EYS: variants seen among roughly 807,000 people sequenced by gnomAD.
EYS encodes the protein EGF-like photoreceptor maintenance factor.
A neutral mutation model predicts 282.1 loss-of-function variants in EYS; 250 were observed. That is an observed-to-expected ratio of 0.89 (90% CI 0.80 to 0.98). EYS has a LOEUF of 0.98. Among genes scored for constraint, EYS ranks in the 50% least tolerant of loss-of-function variants. The pLI, the probability that EYS is intolerant of heterozygous loss-of-function variation, is 0.00. For missense variants in EYS, 4,016 were observed against 3,709.0 expected (o/e 1.08, Z -2.15); for synonymous variants, 1,355 against 1,282.9 (o/e 1.06, Z -1.20).
intron 22 of EYS, among the ~76,000 whole-genome samples, chr6:64,729,588 C>T (rs1376561253): frequency 1.3e-5 from 2 of 152,156 alleles, no homozygotes; most frequent in Non-Finnish European, 2.9e-5. Flanking sequence ...TCTAAAGTAG[C>T]TGAACTCATG....
chr6:63,829,715 TG>T (rs774938272), intron 36 of EYS, among the ~76,000 whole-genome samples: 26 of 152,284 alleles, frequency 1.7e-4, no homozygotes, highest in Non-Finnish European at 3.4e-4. Context: ...AAGAGAGTAG[TG>T]GTTCTCACAG....
intron 1 of EYS, among the ~76,000 whole-genome samples, chr6:65,688,966 C>T (rs1176432196): frequency 5.3e-5 from 8 of 151,284 alleles, no homozygotes; most frequent in African/African-American, 1.5e-4. Flanking sequence ...GTCAATGTGG[C>T]GATTCCTCAG....
chr6:64,198,015 C>G (rs1459213271), intron 31 of EYS, among the ~76,000 whole-genome samples: 1 of 150,074 alleles, frequency 6.7e-6, no homozygotes, highest in African/African-American at 2.4e-5. Flanking sequence ...TTTTTTGAGA[C>G]GGAGTCTCGC....
intron 15 of EYS, among the ~76,000 whole-genome samples, chr6:64,914,761 G>A (rs1427291087): frequency 2.0e-5 from 3 of 152,008 alleles, no homozygotes; most frequent in African/African-American, 7.2e-5. Flanking sequence ...AGTTCAATAA[G>A]TTTAAATCCA....
intron 36 of EYS, among the ~76,000 whole-genome samples, chr6:63,825,197 C>A (rs554771649): frequency 2.0e-5 from 3 of 152,160 alleles, no homozygotes; most frequent in Admixed American, 6.5e-5. Flanking sequence ...AGGTACACAA[C>A]TCCAGTGACC....
intron 30 of EYS, among the ~76,000 whole-genome samples, chr6:64,254,302 A>G (rs1767319417): frequency 6.6e-6 from 1 of 152,056 alleles, no homozygotes; most frequent in Non-Finnish European, 1.5e-5. Flanking sequence ...AAAAGTAGCA[A>G]TATAACAAAA....
At chr6:65,228,711 G>GA (rs1766692660) in intron 12 of EYS, among the ~76,000 whole-genome samples, 1 of 151,856 alleles carries the variant, frequency 6.6e-6, no homozygotes, top group African/African-American at 2.4e-5. Context: ...AAAATGCTAC[G>GA]AAAAAAATAG....
chr6:65,072,084 G>A (rs149619148), intron 12 of EYS, among the ~76,000 whole-genome samples: 2,144 of 151,826 alleles, frequency 0.014, 24 homozygotes, highest in Non-Finnish European at 0.018. Context: ...AGTAAGCTCC[G>A]AAGGATTTTG....
intron 22 of EYS, among the ~76,000 whole-genome samples, chr6:64,753,688 G>T (rs1455961184): frequency 6.6e-6 from 1 of 150,558 alleles, no homozygotes; most frequent in Non-Finnish European, 1.5e-5. Flanking sequence ...ACCACTAACA[G>T]CACTAGATAG....
At chr6:64,686,767 GTATATATATATATATATA>G (rs556168281) in intron 22 of EYS, among the ~76,000 whole-genome samples, 4 of 17,732 alleles carry the variant, frequency 2.3e-4, no homozygotes, top group African/African-American at 4.7e-4. Context: ...ATATATGTGT[GTATATATATATATATATA>G]TATGTGTGTA....
At chr6:64,972,732 A>G (rs1246799269) in intron 14 of EYS, among the ~76,000 whole-genome samples, 2 of 152,138 alleles carry the variant, frequency 1.3e-5, no homozygotes, top group African/African-American at 4.8e-5. Context: ...ACAGTTGGCT[A>G]TTAGTAATTG....
intron 5 of EYS, chr6:65,490,336 G>A: frequency 3.4e-6 from 1 of 294,444 alleles, no homozygotes; most frequent in Non-Finnish European, 6.4e-6. Context: ...TCTGAAGAAA[G>A]ATGTAAGTAA....
intron 22 of EYS, among the ~76,000 whole-genome samples, chr6:64,716,186 A>C (rs1426834933): frequency 6.6e-6 from 1 of 152,200 alleles, no homozygotes; most frequent in Non-Finnish European, 1.5e-5. Context: ...ACAGTGTGTA[A>C]ACTCACATTC....
At chr6:64,402,426 G>C (rs929219416) in intron 28 of EYS, among the ~76,000 whole-genome samples, 3 of 152,174 alleles carry the variant, frequency 2.0e-5, no homozygotes, top group African/African-American at 7.2e-5. Flanking sequence ...GAAAAACTGT[G>C]TTCCTAGAAA....
chr6:63,762,434 G>A, intron 41 of EYS, 27 bp downstream of exon 41: 1 of 1,544,810 alleles, frequency 6.5e-7, no homozygotes, highest in Non-Finnish European at 8.7e-7. Context: ...TTTGTGGACA[G>A]CAAAATGATT....
chr6:64,603,656 T>C (rs1766831665), intron 24 of EYS, among the ~76,000 whole-genome samples: 1 of 152,042 alleles, frequency 6.6e-6, no homozygotes, highest in Non-Finnish European at 1.5e-5. Context: ...TAGTTTTCTA[T>C]ATGTGATAGG....
In EYS at chr6:64,107,259, A is replaced by ATATATGTG. The variant is rs1191905073; in HGVS notation, c.6425-25258_6425-25257insCACATATA. On this transcript the variant is annotated intron_variant, in intron 31 of 42. Coordinates refer to ENST00000503581, the MANE Select transcript of EYS (RefSeq NM_001142800.2). The stretch of plus-strand genomic sequence containing the variant: ...ACTAGTAGGAGATATATATATATAT[A>ATATATGTG]TGTGTGTGTGTGTATATATATATAT... 5.8e-4 allele frequency among the ~76,000 whole-genome samples: 73 copies of ATATATGTG among 124,940 alleles called. 1 individual carries two copies. Among genetic ancestry groups the ATATATGTG allele is most frequent in the African/African-American group, 2.1e-3 (71 of 34,568 alleles). The allele number at this position is 124,940 out of a possible 152,430, so 82.0% of individuals were successfully genotyped here.
At chr6:65,471,914 A>G (rs1460779929) in intron 5 of EYS, among the ~76,000 whole-genome samples, 1 of 152,138 alleles carries the variant, frequency 6.6e-6, no homozygotes, top group Non-Finnish European at 1.5e-5. Flanking sequence ...AACTAAATAT[A>G]GAACCTAAAT....
chr6:65,666,532 C>G (rs1477338984), intron 1 of EYS, among the ~76,000 whole-genome samples: 1 of 151,608 alleles, frequency 6.6e-6, no homozygotes, highest in Admixed American at 6.6e-5. Flanking sequence ...AAGTTTATAC[C>G]TGTCGGGTAG....
Sources: gnomAD v4.1 joint callset for allele counts (sites outside exome capture counted in the v4.1 genomes callset) on GRCh38, gnomAD v4.1.1 for gene constraint, MANE v1.5 for transcripts, NCBI Gene and HGNC (gene_info 2026-07-23, HGNC 2026-07-21) for gene names.